Variants in TTLL7 observed in about 807,000 individuals in gnomAD.
TTLL7 encodes tubulin tyrosine ligase like 7, also known as tubulin polyglutamylase TTLL7.
TTLL7 carries 53 observed loss-of-function variants against 120.2 expected under a neutral mutation model. The observed-to-expected ratio is 0.44, with a 90% CI of 0.35 to 0.55. TTLL7 has a LOEUF of 0.55. TTLL7 is among the 20% of genes least tolerant of loss of function. TTLL7 has a pLI of 0.00. For synonymous variants in TTLL7, 353 were observed against 351.7 expected, an observed-to-expected ratio of 1.00 and a Z score of -0.04; for missense variants, 803 against 1,054.7, an observed-to-expected ratio of 0.76 and a Z score of 3.31.
intron 9 of TTLL7, among the ~76,000 whole-genome samples, chr1:83,929,853 A>T (rs953255986): frequency 2.0e-5 from 3 of 152,160 alleles, no homozygotes; most frequent in Admixed American, 6.6e-5. Context: ...GGTTGGTTAG[A>T]ACACTGCTGA....
intron 6 of TTLL7, among the ~76,000 whole-genome samples, chr1:83,943,294 C>T (rs368023843): frequency 1.3e-4 from 20 of 152,238 alleles, no homozygotes; most frequent in African/African-American, 4.1e-4. Flanking sequence ...CTTTGAAAAG[C>T]TCTGACATAT....
At chr1:83,937,795 T>G in intron 8 of TTLL7, 57 bp downstream of exon 8, 1 of 1,590,760 alleles carries the variant, frequency 6.3e-7, no homozygotes. Flanking sequence ...GGCCTGACAA[T>G]GCTTCAAATT....
chr1:83,957,657 G>T (rs764352830), intron 1 of TTLL7, among the ~76,000 whole-genome samples: 15 of 152,146 alleles, frequency 9.9e-5, no homozygotes, highest in Non-Finnish European at 1.9e-4. Context: ...ATTAGAAGAA[G>T]TATGGGAAGG....
At chr1:83,947,328 CA>C in intron 5 of TTLL7, 46 bp from the exon 6 acceptor site, 1 of 1,518,678 alleles carries the variant, frequency 6.6e-7, no homozygotes, top group Non-Finnish European at 8.9e-7. Context: ...TTCAAACTAG[CA>C]TATATTTTCT....
chr1:83,909,925 A>G (rs2100769079), intron 15 of TTLL7, among the ~76,000 whole-genome samples: 1 of 152,262 alleles, frequency 6.6e-6, no homozygotes, highest in East Asian at 1.9e-4. Context: ...ACAAAGACAC[A>G]CTGAAAGTAT....
At chr1:83,966,252 T>C (rs995823215) in intron 1 of TTLL7, among the ~76,000 whole-genome samples, 1 of 152,068 alleles carries the variant, frequency 6.6e-6, no homozygotes, top group Non-Finnish European at 1.5e-5. Flanking sequence ...AGCTGCAACA[T>C]CAGTTCTTCC....
chr1:83,907,694 A>T, intron 15 of TTLL7, 33 bp from the exon 16 acceptor site: 1 of 1,585,634 alleles, frequency 6.3e-7, no homozygotes, highest in Admixed American at 1.7e-5. Flanking sequence ...ATACTACAGT[A>T]GCAGTATTAA....
At chr1:83,979,502 GGTT>G (rs1254493118) in intron 1 of TTLL7, 3 of 152,178 alleles carry the variant, frequency 2.0e-5, no homozygotes, top group Non-Finnish European at 4.4e-5. Context: ...ATCAATGGCT[GGTT>G]GTTGTTTAAC....
chr1:83,865,144 AC>A lies in TTLL7; in HGVS notation c.*4817del, dbSNP rs1652835109. 1.3e-5 allele frequency: 2 copies of A among 152,038 alleles called. No homozygotes were observed. The highest frequency in any genetic ancestry group is 2.9e-5 in the Non-Finnish European group (2 of 67,928). 9.4% of individuals were successfully genotyped at this position (152,038 alleles called of 1,614,324 possible). A position where few individuals can be genotyped will look rare whatever the true frequency, so the allele number is the denominator to read the frequency against. ...GCAACGCTAATTGCACACTGTATTGACATTTCAAGCATATTTTCTGTAACAA... is the reference window on the plus strand; with the variant it reads ...GCAACGCTAATTGCACACTGTATTGAATTTCAAGCATATTTTCTGTAACAA... On this transcript the variant is annotated 3_prime_UTR_variant, in exon 21 of 21. Transcript: ENST00000260505.
rs563234771 is a variant in TTLL7 at position 83,904,895 on chromosome 1, C to T, written c.2128-736G>A. 7.2e-5 allele frequency among the ~76,000 whole-genome samples: 11 copies of T among 152,032 alleles called. No homozygotes were observed. In the East Asian group the frequency reaches 2.1e-3, roughly 29 times the overall value. On this transcript the variant is annotated intron_variant, in intron 17 of 20. Coordinates refer to ENST00000260505, the MANE Select transcript of TTLL7 (RefSeq NM_024686.6). ...TGTAGTAAACAGATTAAAATATTTA[C>T]CACATGTAGTGAACACACAATAAAC...
At chr1:83,918,384 A>T (rs1046673921) in intron 13 of TTLL7, among the ~76,000 whole-genome samples, 1 of 152,186 alleles carries the variant, frequency 6.6e-6, no homozygotes, top group African/African-American at 2.4e-5. Flanking sequence ...TACGAGTATA[A>T]TAGCTACACT....
chr1:83,968,424 G>A (rs553201889), intron 1 of TTLL7, among the ~76,000 whole-genome samples: 2 of 151,992 alleles, frequency 1.3e-5, no homozygotes, highest in South Asian at 4.2e-4. Context: ...TTCATGTTTT[G>A]AGTAGACACA....
intron 1 of TTLL7, among the ~76,000 whole-genome samples, chr1:83,982,814 T>C (rs1652090940): frequency 6.6e-6 from 1 of 152,126 alleles, no homozygotes. Flanking sequence ...TGAAAATTCA[T>C]ATAGAACCAA....
chr1:83,983,211 G>A (rs753309728), intron 1 of TTLL7, among the ~76,000 whole-genome samples: 6 of 152,016 alleles, frequency 3.9e-5, no homozygotes, highest in Non-Finnish European at 8.8e-5. Context: ...GCACACTGTA[G>A]TCCCAGCTAC....
intron 1 of TTLL7, among the ~76,000 whole-genome samples, chr1:83,967,268 C>G (rs1165280896): frequency 1.3e-5 from 2 of 151,916 alleles, no homozygotes; most frequent in African/African-American, 4.8e-5. Context: ...TTCTGGAGTG[C>G]AACAAAATTT....
intron 18 of TTLL7, among the ~76,000 whole-genome samples, chr1:83,901,740 G>A (rs1428120850): frequency 6.6e-6 from 1 of 151,922 alleles, no homozygotes; most frequent in Non-Finnish European, 1.5e-5. Flanking sequence ...TGCTGAATGA[G>A]TTAATGTGCA....
At chr1:83,986,666 T>A (rs1020153848) in intron 1 of TTLL7, among the ~76,000 whole-genome samples, 1 of 152,080 alleles carries the variant, frequency 6.6e-6, no homozygotes, top group Non-Finnish European at 1.5e-5. Context: ...CCAATAATTG[T>A]GAAATCCCCT....
At position 83,917,639 on chromosome 1, in the gene TTLL7, A is replaced by G. The variant is rs1158175841; in HGVS notation, c.1552T>C (p.Leu518=). The G allele has an allele frequency of 6.2e-6, 10 of 1,613,388 alleles. No individual in the cohort carries two copies. Among genetic ancestry groups the G allele is most frequent in the Non-Finnish European group, 7.6e-6 (9 of 1,179,630 alleles). The stretch of plus-strand genomic sequence containing the variant: ...CGAGTCTTGGTAGTTTTTCCCATCA[A>G]CTTTTCATCATCAATTTCACATTGC... ...LEQCEIDDEK[L]MGKTTKTRGP... Residue 518 remains leucine, a synonymous_variant, in exon 14 of 21, where the codon TTG becomes CTG. Transcript: ENST00000260505.
chr1:83,901,168 G>T (rs1656690650), intron 18 of TTLL7, among the ~76,000 whole-genome samples: 1 of 151,732 alleles, frequency 6.6e-6, no homozygotes, highest in African/African-American at 2.4e-5. Flanking sequence ...CCACCCAATT[G>T]CCCTCTCAAC....
Sources: gnomAD v4.1 joint callset for allele counts (sites outside exome capture counted in the v4.1 genomes callset) on GRCh38, gnomAD v4.1.1 for gene constraint, MANE v1.5 for transcripts, NCBI Gene and HGNC (gene_info 2026-07-23, HGNC 2026-07-21) for gene names.